The following NR3C2 variants were observed in gnomAD, a reference collection of about 807,000 sequenced individuals.
NR3C2 encodes nuclear receptor subfamily 3 group C member 2, also known as mineralocorticoid receptor.
In NR3C2, 15 loss-of-function variants were observed where a neutral mutation model predicts 86.4. The observed-to-expected ratio is 0.17, with a 90% confidence interval of 0.12 to 0.27. NR3C2 has a LOEUF of 0.27. Among genes scored for constraint, NR3C2 ranks in the 10% least tolerant of loss-of-function variants. The pLI, the probability that NR3C2 is intolerant of heterozygous loss-of-function variation, is 1.00. For synonymous variants in NR3C2, 458 were observed against 450.5 expected, an observed-to-expected ratio of 1.02 and a Z score of -0.21; for missense variants, 960 against 1,195.6, an observed-to-expected ratio of 0.80 and a Z score of 2.91.
At chr4:148,130,009 T>G (rs1732943499) in intron 6 of NR3C2, among the ~76,000 whole-genome samples, 1 of 152,222 alleles carries the variant, frequency 6.6e-6, no homozygotes, top group African/African-American at 2.4e-5. Flanking sequence ...TGTCTTACTG[T>G]TTTAGCTACT....
At chr4:148,366,481 C>CTTTTTAAAG (rs1561066895) in intron 2 of NR3C2, among the ~76,000 whole-genome samples, 1 of 14,878 alleles carries the variant, frequency 6.7e-5, no homozygotes, top group Non-Finnish European at 1.4e-4. Flanking sequence ...AAAAAGTACT[C>CTTTTTAAAG]AGCACTTTTA....
intron 6 of NR3C2, among the ~76,000 whole-genome samples, chr4:148,123,248 C>T (rs192834289): frequency 6.6e-6 from 1 of 152,140 alleles, no homozygotes; most frequent in Non-Finnish European, 1.5e-5. Context: ...GTGGTCAAAC[C>T]GGTTCTCTGC....
chr4:148,401,461 C>CTTTTT (rs397881130), intron 2 of NR3C2, among the ~76,000 whole-genome samples: 20 of 116,912 alleles, frequency 1.7e-4, no homozygotes, highest in African/African-American at 6.1e-4. Flanking sequence ...AAAGTTGTCT[C>CTTTTT]TTTTTTTTTT....
intron 4 of NR3C2, among the ~76,000 whole-genome samples, chr4:148,185,110 G>T (rs545953063): frequency 5.3e-5 from 8 of 152,180 alleles, no homozygotes; most frequent in Middle Eastern, 3.2e-3. Flanking sequence ...CTCAGTAATC[G>T]CTTTCTTCTC....
intron 6 of NR3C2, among the ~76,000 whole-genome samples, chr4:148,125,023 G>C (rs1732679467): frequency 6.6e-6 from 1 of 152,002 alleles, no homozygotes. Flanking sequence ...TTCAAATTTG[G>C]GGGGTGCTAA....
chr4:148,342,162 G>A (rs1744778653), intron 2 of NR3C2, among the ~76,000 whole-genome samples: 1 of 152,088 alleles, frequency 6.6e-6, no homozygotes, highest in African/African-American at 2.4e-5. Flanking sequence ...GGAGTCAAAC[G>A]TCAGAGCCTG....
chr4:148,197,731 T>C (rs1270941418), intron 3 of NR3C2, among the ~76,000 whole-genome samples: 2 of 152,190 alleles, frequency 1.3e-5, no homozygotes, highest in Non-Finnish European at 2.9e-5. Context: ...ACATATAGGA[T>C]AGGAGAGTTG....
chr4:148,434,534 T>G (rs975445898), intron 2 of NR3C2, among the ~76,000 whole-genome samples: 1 of 152,278 alleles, frequency 6.6e-6, no homozygotes, highest in South Asian at 2.1e-4. Context: ...CTCTCAACAG[T>G]TAAGGAAATG....
intron 4 of NR3C2, among the ~76,000 whole-genome samples, chr4:148,192,808 G>C (rs958857217): frequency 1.3e-5 from 2 of 151,922 alleles, no homozygotes; most frequent in African/African-American, 4.8e-5. Flanking sequence ...GCAAACTAAA[G>C]GGCTGGTTTC....
intron 8 of NR3C2, among the ~76,000 whole-genome samples, chr4:148,113,030 C>T (rs1053911482): frequency 2.6e-5 from 4 of 152,168 alleles, no homozygotes; most frequent in African/African-American, 7.2e-5. Flanking sequence ...CGTACAACAT[C>T]GTTTGAGCCG....
rs933183902 is a variant in NR3C2 at position 148,081,352 on chromosome 4, G to A, written c.2947C>T (p.Arg983Trp). 3 of 1,614,186 alleles carry A rather than the reference G, an allele frequency of 1.9e-6. No individual in the cohort carries two copies. Among genetic ancestry groups the A allele is most frequent in the Non-Finnish European group, 2.5e-6 (3 of 1,180,024 alleles). ...TTCTGGGCAGCGGGCAGTCACTTCC[G>A]GTGGAAGTAGAGCGGCTTGGCGTTC... ...SGNAKPLYFH[R>W]K The change falls in exon 9 of 9, where the codon CGG becomes TGG. Residue 983 changes from arginine to tryptophan, a missense_variant. Physicochemically the swap from Arg to Trp is moderately radical, Grantham distance 101. Around this residue, in one of 4 missense-constraint regions of NR3C2, gnomAD observed 151 missense variants for 296.3 expected, o/e 0.51. Transcript: ENST00000358102.
intron 6 of NR3C2, among the ~76,000 whole-genome samples, chr4:148,150,980 G>A (rs374829866): frequency 6.6e-6 from 1 of 152,140 alleles, no homozygotes; most frequent in Admixed American, 6.6e-5. Flanking sequence ...ATAGACTAGA[G>A]GTTACCAGAG....
chr4:148,372,039 T>G (rs1483153972), intron 2 of NR3C2, among the ~76,000 whole-genome samples: 1 of 152,186 alleles, frequency 6.6e-6, no homozygotes, highest in Non-Finnish European at 1.5e-5. Context: ...CTATTGCTCA[T>G]GTATAAAAAT....
chr4:148,125,739 T>C (rs753397438), intron 6 of NR3C2, among the ~76,000 whole-genome samples: 1 of 152,196 alleles, frequency 6.6e-6, no homozygotes, highest in Non-Finnish European at 1.5e-5. Context: ...ACAAGTGCTA[T>C]GTGTCAATCT....
At chr4:148,429,420 T>A (rs536667772) in intron 2 of NR3C2, among the ~76,000 whole-genome samples, 1 of 152,366 alleles carries the variant, frequency 6.6e-6, no homozygotes, top group East Asian at 1.9e-4. Flanking sequence ...ATTAACTTTT[T>A]AAGCATTCAA....
chr4:148,238,605 A>G (rs1016787634), intron 3 of NR3C2, among the ~76,000 whole-genome samples: 3 of 152,126 alleles, frequency 2.0e-5, no homozygotes, highest in African/African-American at 7.2e-5. Context: ...TATAATCCCT[A>G]AGATTTGATA....
At chr4:148,212,394 A>C (rs1298943252) in intron 3 of NR3C2, among the ~76,000 whole-genome samples, 1 of 152,208 alleles carries the variant, frequency 6.6e-6, no homozygotes, top group East Asian at 1.9e-4. Flanking sequence ...TTAGTGTCTG[A>C]AGTTAGGACT....
intron 3 of NR3C2, among the ~76,000 whole-genome samples, chr4:148,209,468 G>A (rs1387637550): frequency 6.6e-6 from 1 of 151,966 alleles, no homozygotes; most frequent in Non-Finnish European, 1.5e-5. Context: ...TTTTTGCGGG[G>A]TGGGTGGGAG....
At chr4:148,133,117 C>G (rs1733108244) in intron 6 of NR3C2, among the ~76,000 whole-genome samples, 1 of 150,318 alleles carries the variant, frequency 6.7e-6, no homozygotes, top group South Asian at 2.1e-4. Context: ...CACCTGAGCC[C>G]AGGAAGCTGA....
Sources: allele counts gnomAD v4.1 joint callset (sites outside exome capture counted in the v4.1 genomes callset), GRCh38; gene constraint gnomAD v4.1.1; regional missense constraint gnomAD v4.1.1; transcripts MANE v1.5; gene names NCBI Gene and HGNC (gene_info 2026-07-23, HGNC 2026-07-21).